Variants in SLC8A1 observed in about 807,000 individuals in gnomAD.
The protein encoded by SLC8A1 is sodium/calcium exchanger 1.
Under a neutral mutation model 68.3 loss-of-function variants are expected in SLC8A1, and 18 were observed. The observed-to-expected ratio is 0.26, with a 90% CI of 0.18 to 0.39. The LOEUF (loss-of-function observed/expected upper bound fraction) is 0.39. Among genes scored for constraint, SLC8A1 ranks in the 10% least tolerant of loss-of-function variants. The pLI, the probability that SLC8A1 is intolerant of heterozygous loss-of-function variation, is 1.00. For synonymous variants in SLC8A1, 475 were observed against 415.5 expected (o/e 1.14, Z -1.74); for missense variants, 985 against 1,156.7 (o/e 0.85, Z 2.15).
chr2:40,225,483 T>G (rs907172553), intron 2 of SLC8A1, among the ~76,000 whole-genome samples: 2 of 151,936 alleles, frequency 1.3e-5, no homozygotes, highest in African/African-American at 4.8e-5. Flanking sequence ...CTTCTTTTTT[T>G]CTTTAAACAA....
intron 1 of SLC8A1, among the ~76,000 whole-genome samples, chr2:40,510,234 T>C (rs1229728174): frequency 6.6e-6 from 1 of 152,242 alleles, no homozygotes; most frequent in Non-Finnish European, 1.5e-5. Flanking sequence ...TAGTCATCAC[T>C]AAATGCTTAA....
At chr2:40,415,882 AC>A (rs1693690436) in intron 2 of SLC8A1, among the ~76,000 whole-genome samples, 3 of 147,692 alleles carry the variant, frequency 2.0e-5, no homozygotes, top group East Asian at 4.0e-4. Flanking sequence ...ACACACACAC[AC>A]ACACACACAC....
intron 1 of SLC8A1, among the ~76,000 whole-genome samples, chr2:40,447,150 A>C (rs1701594611): frequency 6.6e-6 from 1 of 152,224 alleles, no homozygotes; most frequent in Non-Finnish European, 1.5e-5. Flanking sequence ...ATGTACAAGA[A>C]ACCATTTGTC....
chr2:40,399,492 G>A (rs1688030489), intron 2 of SLC8A1, among the ~76,000 whole-genome samples: 2 of 152,044 alleles, frequency 1.3e-5, no homozygotes, highest in South Asian at 4.1e-4. Context: ...GTTGGCTGAA[G>A]GAATTTTATG....
intron 2 of SLC8A1, among the ~76,000 whole-genome samples, chr2:40,418,750 T>C (rs1473429748): frequency 6.6e-6 from 1 of 152,174 alleles, no homozygotes; most frequent in Non-Finnish European, 1.5e-5. Flanking sequence ...CGAATCAGAT[T>C]TGAGTTGTTC....
chr2:40,380,414 T>C (rs577576260), intron 2 of SLC8A1, among the ~76,000 whole-genome samples: 1 of 152,298 alleles, frequency 6.6e-6, no homozygotes, highest in African/African-American at 2.4e-5. Flanking sequence ...ATTCAATTTC[T>C]TCATGAATCT....
intron 2 of SLC8A1, chr2:40,220,491 T>G (rs1411364397): frequency 1.3e-5 from 2 of 152,216 alleles, no homozygotes; most frequent in African/African-American, 4.8e-5. Context: ...GTGCACTTTG[T>G]TTGCCACTTG....
exon 8 of SLC8A1, chr2:40,115,628 G>T: frequency 1.2e-6 from 2 of 1,604,660 alleles, no homozygotes; most frequent in Non-Finnish European, 1.7e-6. Flanking sequence ...TGGCAAATGT[G>T]TCTGCAGAGG....
At chr2:40,396,371 A>C (rs1482052674) in intron 2 of SLC8A1, among the ~76,000 whole-genome samples, 1 of 152,174 alleles carries the variant, frequency 6.6e-6, no homozygotes, top group Non-Finnish European at 1.5e-5. Context: ...ACATGAATCT[A>C]TGAATGGTCT....
chr2:40,436,266 C>T (rs906903749), intron 1 of SLC8A1, among the ~76,000 whole-genome samples: 3 of 152,062 alleles, frequency 2.0e-5, no homozygotes, highest in African/African-American at 4.8e-5. Flanking sequence ...TAAAGTAATG[C>T]TCACAGGGTC....
chr2:40,226,444 G>A (rs1047095811), intron 2 of SLC8A1, among the ~76,000 whole-genome samples: 2 of 152,120 alleles, frequency 1.3e-5, no homozygotes, highest in Admixed American at 6.5e-5. Context: ...CAGGAATCAT[G>A]CATCTGCCAA....
At chr2:40,212,982 C>T (rs1574136720) in intron 2 of SLC8A1, 1 of 152,172 alleles carries the variant, frequency 6.6e-6, no homozygotes, top group East Asian at 1.9e-4. Context: ...TGTAAAGCAC[C>T]CATGTCTGAT....
intron 1 of SLC8A1, among the ~76,000 whole-genome samples, chr2:40,457,784 A>C (rs1398648242): frequency 2.0e-5 from 3 of 152,248 alleles, no homozygotes; most frequent in Admixed American, 6.5e-5. Flanking sequence ...TATCAAAACA[A>C]AGGATAAATT....
chr2:40,116,303 C>CT (rs11338351), intron 7 of SLC8A1, among the ~76,000 whole-genome samples: 1 of 152,032 alleles, frequency 6.6e-6, no homozygotes, highest in African/African-American at 2.4e-5. Context: ...TGTGATGGTA[C>CT]TTTTTTATTA....
chr2:40,373,469 C>T (rs183167688), intron 2 of SLC8A1, among the ~76,000 whole-genome samples: 1 of 152,210 alleles, frequency 6.6e-6, no homozygotes, highest in Admixed American at 6.5e-5. Context: ...CTTTCCCCTT[C>T]CCCCTAAAAT....
intron 2 of SLC8A1, among the ~76,000 whole-genome samples, chr2:40,419,041 G>A (rs567817921): frequency 6.6e-6 from 1 of 152,348 alleles, no homozygotes; most frequent in South Asian, 2.1e-4. Context: ...CATACACACT[G>A]TTGTAGGACT....
chr2:40,467,501 T>G (rs149331592), intron 1 of SLC8A1, among the ~76,000 whole-genome samples: 26 of 152,268 alleles, frequency 1.7e-4, no homozygotes, highest in African/African-American at 5.5e-4. Context: ...TTCTCTCAAT[T>G]AAAAACATTG....
intron 2 of SLC8A1, among the ~76,000 whole-genome samples, chr2:40,277,551 C>T (rs1426972495): frequency 6.6e-6 from 1 of 151,264 alleles, no homozygotes; most frequent in African/African-American, 2.4e-5. Context: ...AGAAAAAAAA[C>T]CAAAACAGAT....
At chr2:40,109,961 TA>T (rs2034460533) in exon 8 of SLC8A1, 1 of 152,166 alleles carries the variant, frequency 6.6e-6, no homozygotes, top group Non-Finnish European at 1.5e-5. Context: ...TTCCTAAAAG[TA>T]AAACAAAATA....
Sources: allele counts gnomAD v4.1 joint callset (sites outside exome capture counted in the v4.1 genomes callset), GRCh38; gene constraint gnomAD v4.1.1; transcripts MANE v1.5; gene names NCBI Gene and HGNC (gene_info 2026-07-23, HGNC 2026-07-21).